Variants in LUC7L observed in about 807,000 individuals in gnomAD.
LUC7L encodes putative RNA-binding protein Luc7-like 1.
In LUC7L, 29 loss-of-function variants were observed where a neutral mutation model predicts 51.1. The observed-to-expected ratio is 0.57, with a 90% CI of 0.42 to 0.77. The LOEUF (loss-of-function observed/expected upper bound fraction) is 0.77. Among genes scored for constraint, LUC7L ranks in the 30% least tolerant of loss-of-function variants. The pLI, the probability that LUC7L is intolerant of heterozygous loss-of-function variation, is 0.00. For synonymous variants in LUC7L, 181 were observed against 180.7 expected, an observed-to-expected ratio of 1.00 and a Z score of -0.01; for missense variants, 403 against 511.9, an observed-to-expected ratio of 0.79 and a Z score of 2.05.
At chr16:207,224 A>G (rs373761259) in intron 4 of LUC7L, among the ~76,000 whole-genome samples, 1 of 151,540 alleles carries the variant, frequency 6.6e-6, no homozygotes, top group Non-Finnish European at 1.5e-5. Flanking sequence ...AACCGACAAT[A>G]ATTTTTTTTT....
chr16:206,817 G>C (rs181001093), intron 4 of LUC7L, among the ~76,000 whole-genome samples: 2 of 151,032 alleles, frequency 1.3e-5, no homozygotes, highest in Non-Finnish European at 2.9e-5. Flanking sequence ...CCAGCACTTC[G>C]GGAGGACAAG....
At chr16:228,261 C>A (rs780068933) in intron 1 of LUC7L, 3 of 1,300,566 alleles carry the variant, frequency 2.3e-6, no homozygotes, top group Non-Finnish European at 3.0e-6. Flanking sequence ...CTAAACTACA[C>A]TTTTAAAGTT....
chr16:196,506 G>T (rs918162331), intron 6 of LUC7L, among the ~76,000 whole-genome samples: 1 of 147,744 alleles, frequency 6.8e-6, no homozygotes, highest in Non-Finnish European at 1.5e-5. Flanking sequence ...AAATGGGAAA[G>T]TAACATTTCC....
At chr16:195,079 AT>A (rs2049113946) in intron 6 of LUC7L, among the ~76,000 whole-genome samples, 2 of 152,148 alleles carry the variant, frequency 1.3e-5, no homozygotes, top group Non-Finnish European at 2.9e-5. Context: ...ACCCATGCTC[AT>A]CCTGTGTCTG....
In LUC7L at chr16:199,055, A is replaced by G; in HGVS notation, c.687+7T>C. 6.3e-7 allele frequency: 1 copy of G among 1,587,032 alleles called. No homozygotes were observed. Among genetic ancestry groups the G allele is most frequent in the Non-Finnish European group, 8.6e-7 (1 of 1,160,568 alleles). ...CCTCAGCTTTCTCCAGAAACAGATG[A>G]ACATACCCTCAACTGATCAAGCTTC... is the stretch of plus-strand genomic sequence containing the variant. On this transcript the variant is annotated splice_region_variant and intron_variant, in intron 6 of 9. Coordinates refer to ENST00000293872, the MANE Select transcript of LUC7L (RefSeq NM_201412.3).
intron 1 of LUC7L, chr16:227,679 T>A: frequency 3.7e-6 from 4 of 1,082,316 alleles, no homozygotes; most frequent in Non-Finnish European, 4.5e-6. Flanking sequence ...CAGAGGTCCA[T>A]GAACCACCAA....
At chr16:190,248 C>T (rs1389766272) in intron 8 of LUC7L, 113 bp from the exon 9 acceptor site, 1 of 969,248 alleles carries the variant, frequency 1.0e-6, no homozygotes. Context: ...CCTTTACTCC[C>T]ACAAATTTAG....
intron 2 of LUC7L, among the ~76,000 whole-genome samples, chr16:224,789 C>G (rs559512563): frequency 2.6e-5 from 4 of 151,992 alleles, no homozygotes; most frequent in African/African-American, 9.6e-5. Flanking sequence ...GCAGAGATAG[C>G]ACCATGCACT....
intron 2 of LUC7L, 23 bp downstream of exon 2, chr16:227,219 G>T: frequency 1.9e-6 from 3 of 1,596,582 alleles, no homozygotes; most frequent in Non-Finnish European, 2.6e-6. Context: ...AGTGTTCCAT[G>T]AGGTCCCCCA....
intron 2 of LUC7L, among the ~76,000 whole-genome samples, chr16:222,008 T>C (rs990643699): frequency 6.6e-6 from 1 of 152,176 alleles, no homozygotes; most frequent in Non-Finnish European, 1.5e-5. Context: ...GGACAGATAA[T>C]TGTCCCACTC....
At chr16:192,860 T>A in intron 7 of LUC7L, 67 bp downstream of exon 7, 2 of 1,367,796 alleles carry the variant, frequency 1.5e-6, no homozygotes, top group Non-Finnish European at 2.1e-6. Context: ...CAAGCAACAG[T>A]GGAATGGACC....
chr16:189,549 G>A (rs1278679255), intron 9 of LUC7L: 4 of 1,388,472 alleles, frequency 2.9e-6, no homozygotes, highest in Non-Finnish European at 3.7e-6. Context: ...TTTTAATAAG[G>A]AGAGCCTTCA....
chr16:224,842 A>G (rs895771066), intron 2 of LUC7L, among the ~76,000 whole-genome samples: 2 of 152,064 alleles, frequency 1.3e-5, no homozygotes, highest in African/African-American at 4.8e-5. Flanking sequence ...AAAAAAAAAA[A>G]CCTCACATGA....
chr16:213,746 G>A (rs1052666098), intron 3 of LUC7L, among the ~76,000 whole-genome samples: 1 of 151,236 alleles, frequency 6.6e-6, no homozygotes, highest in Non-Finnish European at 1.5e-5. Context: ...ACCAAGTCTC[G>A]CACTGTTTCC....
chr16:195,420 G>A (rs1319305425), intron 6 of LUC7L, among the ~76,000 whole-genome samples: 3 of 151,746 alleles, frequency 2.0e-5, no homozygotes, highest in African/African-American at 4.9e-5. Context: ...GTGCCAGAGG[G>A]AGACCCTGTC....
At chr16:213,466 C>T (rs1189993954) in intron 3 of LUC7L, among the ~76,000 whole-genome samples, 1 of 152,152 alleles carries the variant, frequency 6.6e-6, no homozygotes, top group Non-Finnish European at 1.5e-5. Flanking sequence ...GAGGCAACAT[C>T]TGAGCTCACT....
chr16:196,908 T>A (rs1474218933), intron 6 of LUC7L, among the ~76,000 whole-genome samples: 1 of 109,310 alleles, frequency 9.1e-6, no homozygotes, highest in Non-Finnish European at 1.9e-5. Context: ...TTTTACATCT[T>A]TTTTTTTTTT....
At position 192,502 on chromosome 16, in the gene LUC7L, C is replaced by CTTTT. The variant is rs398058029; in HGVS notation, c.776+421_776+424dup. The stretch of plus-strand genomic sequence containing the variant: ...TTTGTTGGACTGAATATGCTGTTTA[C>CTTTT]TTTTTTTTTTTTTTTTTTTGGTTGA... On this transcript the variant is annotated intron_variant, in intron 7 of 9. Transcript: ENST00000293872. Among the ~76,000 whole-genome samples the CTTTT allele has an allele frequency of 7.0e-3, 883 of 125,586 alleles. 17 individuals are homozygous for CTTTT. Among genetic ancestry groups the CTTTT allele is most frequent in the African/African-American group, 0.025 (830 of 33,858 alleles). The allele number at this position is 125,586 out of a possible 152,430, so 82.4% of individuals were successfully genotyped here.
intron 6 of LUC7L, among the ~76,000 whole-genome samples, chr16:193,651 C>T (rs781136463): frequency 1.3e-5 from 2 of 151,644 alleles, no homozygotes; most frequent in Admixed American, 6.6e-5. Context: ...CGTGCCAGCA[C>T]GGCCGGCTAA....
Sources: gnomAD v4.1 joint callset for allele counts (sites outside exome capture counted in the v4.1 genomes callset) on GRCh38, gnomAD v4.1.1 for gene constraint, MANE v1.5 for transcripts, NCBI Gene and HGNC (gene_info 2026-07-23, HGNC 2026-07-21) for gene names.